Variants in ZFP92 observed in about 807,000 individuals in gnomAD.
The protein encoded by ZFP92 is zinc finger protein 92 homolog.
ZFP92 carries 2 observed loss-of-function variants against 7.6 expected under a neutral mutation model. That is an observed-to-expected ratio of 0.26 (90% CI 0.11 to 0.83). ZFP92 has a LOEUF of 0.83. Ranked by LOEUF, ZFP92 falls within the 40% of genes least tolerant of loss-of-function variation. ZFP92 has a pLI of 0.65. For missense variants in ZFP92, 324 were observed against 408.3 expected, an observed-to-expected ratio of 0.79 and a Z score of 1.78; for synonymous variants, 226 against 183.6, an observed-to-expected ratio of 1.23 and a Z score of -1.87.
At chrX:153,418,396 C>G in intron 3 of ZFP92, 41 bp downstream of exon 3, 3 of 1,159,489 alleles carry the variant, frequency 2.6e-6, no homozygotes, top group Non-Finnish European at 3.5e-6. Flanking sequence ...CCCCTGGCAG[C>G]CCCCGTCTGC....
chrX:153,415,298 G>A (rs374723368), intron 2 of ZFP92, among the ~76,000 whole-genome samples: 6 of 112,837 alleles, frequency 5.3e-5, no homozygotes, highest in African/African-American at 1.9e-4. Flanking sequence ...GGTCAAGACG[G>A]CTCTTGGGAA....
intron 2 of ZFP92, among the ~76,000 whole-genome samples, chrX:153,418,069 G>C (rs1455261880): frequency 8.9e-5 from 10 of 112,177 alleles, no homozygotes; most frequent in African/African-American, 3.2e-4. Flanking sequence ...AACCGGGAGA[G>C]AAAAATGTGT....
At position 153,411,475 on chromosome X, in the gene ZFP92, C is replaced by G. The variant is rs781952454; in HGVS notation, c.-296C>G. ...ACGCTGCCGCCGCCCCGGCCCCGCCCGCTCCCGGCCCGCTCGTCGGCGCAC... is the reference window on the plus strand; with the variant it reads ...ACGCTGCCGCCGCCCCGGCCCCGCCGGCTCCCGGCCCGCTCGTCGGCGCAC... On this transcript the variant is annotated 5_prime_UTR_variant, in exon 1 of 6. Coordinates refer to ENST00000338647, the MANE Select transcript of ZFP92 (RefSeq NM_001136273.2). 5.0e-4 allele frequency among the ~76,000 whole-genome samples: 56 copies of G among 112,512 alleles called. No homozygotes were observed. The highest frequency in any genetic ancestry group is 9.2e-4 in the Admixed American group (10 of 10,837).
intron 2 of ZFP92, among the ~76,000 whole-genome samples, chrX:153,417,059 C>G (rs1325432040): frequency 1.8e-5 from 2 of 112,283 alleles, no homozygotes; most frequent in Non-Finnish European, 3.8e-5. Context: ...GGCCCCACCT[C>G]CAACACTGGG....
chrX:153,418,666 A>G lies in ZFP92; in HGVS notation c.34-7A>G. ...TCCCCTGTGGCCACAAGAATGCCTT[A>G]TTTTAGGTGCCAGTATCTTTTGAGG... On this transcript the variant is annotated splice_polypyrimidine_tract_variant and splice_region_variant and intron_variant, in intron 3 of 5. Transcript: ENST00000338647. The G allele has an allele frequency of 8.6e-7, 1 of 1,166,563 alleles. No individual in the cohort carries two copies.
intron 5 of ZFP92, 29 bp downstream of exon 5, chrX:153,420,361 C>A: frequency 9.0e-7 from 1 of 1,115,505 alleles, no homozygotes; most frequent in African/African-American, 1.8e-5. Flanking sequence ...ACCAGCTCCC[C>A]ATCGGGGTAA....
At chrX:153,417,606 G>T (rs565839113) in intron 2 of ZFP92, among the ~76,000 whole-genome samples, 1 of 112,057 alleles carries the variant, frequency 8.9e-6, no homozygotes, top group Admixed American at 9.5e-5. Context: ...CATGGGGAGA[G>T]AGCTAAGAAA....
At chrX:153,417,994 C>T (rs782146925) in intron 2 of ZFP92, among the ~76,000 whole-genome samples, 143 of 111,999 alleles carry the variant, frequency 1.3e-3, no homozygotes, top group African/African-American at 4.4e-3. Context: ...CCGAAAATGG[C>T]GAGAAAGGGG....
At position 153,421,718 on chromosome X, in the gene ZFP92, C is replaced by T. The variant is rs782380485; in HGVS notation, c.*90C>T. ...CTCAGCCCCCTTCAGGTGGGAAGAC[C>T]GCCCTCCCAGGGCCTCGATTGCGGC... On this transcript the variant is annotated 3_prime_UTR_variant, in exon 6 of 6. Coordinates refer to ENST00000338647, the MANE Select transcript of ZFP92 (RefSeq NM_001136273.2). 1.9e-5 allele frequency: 17 copies of T among 894,446 alleles called. No homozygotes were observed. The highest frequency in any genetic ancestry group is 5.1e-4 in the Middle Eastern group (1 of 1,977). 73.7% of individuals were successfully genotyped at this position (894,446 alleles called of 1,213,427 possible). A position where few individuals can be genotyped will look rare whatever the true frequency, so the allele number is the denominator to read the frequency against.
chrX:153,421,278 T>A lies in ZFP92; in HGVS notation c.901T>A (p.Phe301Ile). The change falls in exon 6 of 6, where the codon TTC becomes ATC. Residue 301 changes from phenylalanine (F) to isoleucine (I), a missense_variant. Phe to Ile is a conservative substitution (Grantham distance 21). Coordinates refer to ENST00000338647, the MANE Select transcript of ZFP92 (RefSeq NM_001136273.2). Reference sequence around the variant, plus strand: ...CGCCTGCGGCCAGTGCGCCAAGGCCTTCAAGGGCGTCTCGCAGCTCATCCA... The same window carrying A: ...CGCCTGCGGCCAGTGCGCCAAGGCCATCAAGGGCGTCTCGCAGCTCATCCA... Reference protein sequence around the residue: ...PYACGQCAKAFKGVSQLIHHQ... With the variant: ...PYACGQCAKAIKGVSQLIHHQ... 8.5e-7 allele frequency: 1 copy of A among 1,172,442 alleles called. No individual in the cohort carries two copies. Among genetic ancestry groups the A allele is most frequent in the Admixed American group, 2.5e-5 (1 of 39,932 alleles).
chrX:153,416,372 T>C (rs1381928665), intron 2 of ZFP92, among the ~76,000 whole-genome samples: 1 of 112,105 alleles, frequency 8.9e-6, no homozygotes, highest in Non-Finnish European at 1.9e-5. Context: ...AACCTAATGG[T>C]TTAGCATCCA....
rs1556975039 is a variant in ZFP92, at chrX:153,421,212, C to T, written c.835C>T (p.Leu279Phe). 2 of 1,187,645 alleles carry T rather than the reference C, an allele frequency of 1.7e-6. No homozygotes were observed. Reference sequence around the variant, plus strand: ...CAAGGCCTTCAGCCGCAGCTCCAACCTCATCGAGCACCAGCGCACGCACCG... The same window carrying T: ...CAAGGCCTTCAGCCGCAGCTCCAACTTCATCGAGCACCAGCGCACGCACCG... ...CGKAFSRSSN[L>F]IEHQRTHRGE... The change falls in exon 6 of 6, where the codon CTC becomes TTC. Residue 279 changes from leucine to phenylalanine, a missense_variant. Coordinates refer to ENST00000338647, the MANE Select transcript of ZFP92 (RefSeq NM_001136273.2).
At chrX:153,415,846 A>C (rs1056437438) in intron 2 of ZFP92, among the ~76,000 whole-genome samples, 2 of 111,160 alleles carry the variant, frequency 1.8e-5, no homozygotes, top group African/African-American at 6.6e-5. Context: ...ACCCAGTGCC[A>C]CTATCCATCC....
intron 2 of ZFP92, among the ~76,000 whole-genome samples, chrX:153,413,423 A>G (rs1292342559): frequency 2.8e-5 from 3 of 107,172 alleles, no homozygotes; most frequent in African/African-American, 1.0e-4. Flanking sequence ...AGTTCCACCC[A>G]TAGGCTAAGG....
rs1192635362 is a variant in ZFP92, at chrX:153,423,994, G to C, written c.*2366G>C. On this transcript the variant is annotated 3_prime_UTR_variant, in exon 6 of 6. Coordinates refer to ENST00000338647, the MANE Select transcript of ZFP92 (RefSeq NM_001136273.2). ...GTTGTTCTAGGAGGTAAATGATTTC[G>C]TTCCTACAAGCCAGACAGTAGCCAG... 2 of 112,701 alleles carry C rather than the reference G, an allele frequency of 1.8e-5. No individual in the cohort carries two copies. Among genetic ancestry groups the C allele is most frequent in the African/African-American group, 6.5e-5 (2 of 30,693 alleles). The allele number at this position is 112,701 out of a possible 1,213,427, so 9.3% of individuals were successfully genotyped here. A position where few individuals can be genotyped will look rare whatever the true frequency, so the allele number is the denominator to read the frequency against.
Position 153,417,549 on chromosome X carries a change from G to C in ZFP92, c.-18-756G>C, listed in dbSNP as rs183326555. Reference sequence around the variant, plus strand: ...ACCTGAGGGAAGGGGATTGGCAGTGGAGCTTCCAGGAATGGCTGGAAAGTT... The same window carrying C: ...ACCTGAGGGAAGGGGATTGGCAGTGCAGCTTCCAGGAATGGCTGGAAAGTT... On this transcript the variant is annotated intron_variant, in intron 2 of 5. Coordinates refer to ENST00000338647, the MANE Select transcript of ZFP92 (RefSeq NM_001136273.2). Among the ~76,000 whole-genome samples, 937 of 112,239 alleles carry C rather than the reference G, an allele frequency of 8.3e-3. 4 individuals are homozygous for C. The highest frequency in any genetic ancestry group is 0.014 in the Non-Finnish European group (747 of 53,268).
intron 2 of ZFP92, among the ~76,000 whole-genome samples, chrX:153,415,277 T>C (rs2088942209): frequency 1.8e-5 from 2 of 112,729 alleles, no homozygotes; most frequent in South Asian, 7.2e-4. Context: ...TTAGCCACTA[T>C]TTCAAAACTA....
Position 153,421,588 on chromosome X carries a change from C to T in ZFP92, c.1211C>T (p.Pro404Leu), listed in dbSNP as rs782306024. ...GTGGCGGCCACCAGCCCCCCGCGGC[C>T]GAGCACAGCCGCCAGGCCTTCCAGG... Reference protein sequence around the residue: ...SAVAATSPPRPSTAARPSRPS... With the variant: ...SAVAATSPPRLSTAARPSRPS... The change falls in exon 6 of 6, where the codon CCG becomes CTG. Residue 404 changes from proline to leucine, a missense_variant. Physicochemically the swap from Pro to Leu is moderately conservative, Grantham distance 98. Transcript: ENST00000338647. 28 of 1,033,164 alleles carry T rather than the reference C, an allele frequency of 2.7e-5. No homozygotes were observed. Among genetic ancestry groups the T allele is most frequent in the Middle Eastern group, 7.7e-4 (2 of 2,603 alleles). 85.1% of individuals were successfully genotyped at this position (1,033,164 alleles called of 1,213,427 possible).
chrX:153,420,552 C>T (rs1366655925), intron 5 of ZFP92, 91 bp from the exon 6 acceptor site: 14 of 1,080,340 alleles, frequency 1.3e-5, no homozygotes, highest in Admixed American at 3.9e-5. Context: ...CTGTGGTCAC[C>T]TTGCCCCATC....
Sources: allele counts gnomAD v4.1 joint callset (sites outside exome capture counted in the v4.1 genomes callset), GRCh38; gene constraint gnomAD v4.1.1; transcripts MANE v1.5; gene names NCBI Gene and HGNC (gene_info 2026-07-23, HGNC 2026-07-21).